The following RAPH1 variants were observed in gnomAD, a reference collection of about 807,000 sequenced individuals.
RAPH1 encodes ras-associated and pleckstrin homology domains-containing protein 1.
A neutral mutation model predicts 88.1 loss-of-function variants in RAPH1; 18 were observed. That is an observed-to-expected ratio of 0.20 (90% CI 0.14 to 0.30). RAPH1 has a LOEUF of 0.30. Among genes scored for constraint, RAPH1 ranks in the 10% least tolerant of loss-of-function variants. The pLI, the probability that RAPH1 is intolerant of heterozygous loss-of-function variation, is 1.00. For synonymous variants in RAPH1, 587 were observed against 559.0 expected (o/e 1.05, Z -0.71); for missense variants, 1,448 against 1,543.2 (o/e 0.94, Z 1.03).
intron 1 of RAPH1, among the ~76,000 whole-genome samples, chr2:203,505,318 C>T (rs113404898): frequency 3.4e-4 from 51 of 152,164 alleles, no homozygotes; most frequent in African/African-American, 1.2e-3. Context: ...TCTTACATGG[C>T]GGTGGCAAGA....
At chr2:203,529,431 G>A (rs577139663) in intron 1 of RAPH1, among the ~76,000 whole-genome samples, 3 of 152,106 alleles carry the variant, frequency 2.0e-5, no homozygotes, top group East Asian at 3.9e-4. Context: ...GCGCCATCTC[G>A]GCTCACCGCA....
chr2:203,493,901 G>A (rs1465940760), intron 2 of RAPH1, among the ~76,000 whole-genome samples: 2 of 149,150 alleles, frequency 1.3e-5, no homozygotes, highest in East Asian at 2.0e-4. Flanking sequence ...AACCCGGGAG[G>A]CGGTGGTTGC....
intron 2 of RAPH1, among the ~76,000 whole-genome samples, chr2:203,494,303 A>T (rs1349025730): frequency 6.6e-6 from 1 of 152,196 alleles, no homozygotes; most frequent in African/African-American, 2.4e-5. Context: ...TTATTTAATA[A>T]ACATAACCAT....
intron 12 of RAPH1, 23 bp downstream of exon 12, chr2:203,447,936 T>C (rs771586965): frequency 1.2e-6 from 2 of 1,613,212 alleles, no homozygotes; most frequent in East Asian, 4.5e-5. Flanking sequence ...CGCAAAATAG[T>C]GCTTTGAAGC....
At chr2:203,491,062 A>G in intron 3 of RAPH1, 152 bp downstream of exon 3, 1 of 505,186 alleles carries the variant, frequency 2.0e-6, no homozygotes, top group Non-Finnish European at 3.4e-6. Flanking sequence ...AAAAAAAAAG[A>G]AAAAAGAAAA....
Position 203,436,903 on chromosome 2 carries a change from T to C in RAPH1, c.*2534A>G, listed in dbSNP as rs1448007567. The stretch of plus-strand genomic sequence containing the variant: ...AAAACAGAAGTATAAAGTATCACTT[T>C]AGTGGTTTTTTAAATTCAGTTCATA... On this transcript the variant is annotated 3_prime_UTR_variant, in exon 14 of 14. Transcript: ENST00000319170. 1.3e-5 allele frequency: 2 copies of C among 152,236 alleles called. No individual in the cohort carries two copies. The highest frequency in any genetic ancestry group is 4.8e-5 in the African/African-American group (2 of 41,460). The allele number at this position is 152,236 out of a possible 1,614,324, so 9.4% of individuals were successfully genotyped here. A position where few individuals can be genotyped will look rare whatever the true frequency, so the allele number is the denominator to read the frequency against.
chr2:203,471,692 A>G (rs1411320932), intron 4 of RAPH1, among the ~76,000 whole-genome samples: 1 of 152,180 alleles, frequency 6.6e-6, no homozygotes, highest in Non-Finnish European at 1.5e-5. Flanking sequence ...AAGACAATAT[A>G]ATCTTTGCTC....
chr2:203,517,190 T>C (rs1317962932), intron 1 of RAPH1, among the ~76,000 whole-genome samples: 1 of 151,328 alleles, frequency 6.6e-6, no homozygotes, highest in African/African-American at 2.4e-5. Flanking sequence ...CTAACACTAA[T>C]CAAAAGAAAG....
At chr2:203,528,055 T>A (rs1355386944) in intron 1 of RAPH1, among the ~76,000 whole-genome samples, 1 of 152,166 alleles carries the variant, frequency 6.6e-6, no homozygotes, top group Admixed American at 6.5e-5. Flanking sequence ...TAAAAAATTG[T>A]GCAATTTAAA....
intron 8 of RAPH1, 82 bp from the exon 9 acceptor site, chr2:203,455,662 GAC>G (rs1453032223): frequency 5.2e-6 from 7 of 1,333,556 alleles, no homozygotes; most frequent in Non-Finnish European, 7.3e-6. Context: ...TGAAATGCAT[GAC>G]AGTTATTAAA....
Position 203,440,872 on chromosome 2 carries a change from A to C in RAPH1, c.2318T>G (p.Leu773Arg). Residue 773 changes from leucine (L) to arginine (R), a missense_variant, in exon 14 of 14, where the codon CTC becomes CGC. Physicochemically the swap from Leu to Arg is moderately radical, Grantham distance 102. Coordinates refer to ENST00000319170, the MANE Select transcript of RAPH1 (RefSeq NM_213589.3). Reference protein sequence around the residue: ...PPPPPPIPAPLPPQAPPKPLV... With the variant: ...PPPPPPIPAPRPPQAPPKPLV... The stretch of plus-strand genomic sequence containing the variant: ...GGGTTTTGGGGGAGCTTGGGGAGGG[A>C]GGGGTGCAGGGATAGGAGGAGGTGG... 3 of 269,790 alleles carry C rather than the reference A, an allele frequency of 1.1e-5. No individual in the cohort carries two copies. Among genetic ancestry groups the C allele is most frequent in the Non-Finnish European group, 1.6e-5 (3 of 183,554 alleles). The allele number at this position is 269,790 out of a possible 1,614,324, so 16.7% of individuals were successfully genotyped here. A position where few individuals can be genotyped will look rare whatever the true frequency, so the allele number is the denominator to read the frequency against.
Position 203,454,654 on chromosome 2 carries a change from A to G in RAPH1, c.1303-114T>C, listed in dbSNP as rs898137324. On this transcript the variant is annotated intron_variant, in intron 9 of 13. Transcript: ENST00000319170. ...AACTACTTTTGCTAATACTAAATAG[A>G]AATTATTGCTATTTACACGAGACAA... 7.6e-6 allele frequency: 5 copies of G among 658,698 alleles called. No homozygotes were observed. The African/African-American group carries it at 9.0e-5, about 12-fold the overall frequency. 40.8% of individuals were successfully genotyped at this position (658,698 alleles called of 1,614,324 possible).
intron 10 of RAPH1, among the ~76,000 whole-genome samples, chr2:203,451,760 C>T (rs951470349): frequency 2.6e-5 from 4 of 152,208 alleles, no homozygotes; most frequent in African/African-American, 9.6e-5. Context: ...CACTTCTTTC[C>T]TGGCAGAGCC....
intron 4 of RAPH1, 114 bp downstream of exon 4, chr2:203,489,470 T>A (rs757944361): frequency 3.8e-5 from 30 of 782,694 alleles, no homozygotes; most frequent in Non-Finnish European, 4.9e-5. Flanking sequence ...CTCAGAAGTA[T>A]CTTTGACAAA....
chr2:203,443,149 G>T (rs2098505814), intron 13 of RAPH1: 1 of 152,138 alleles, frequency 6.6e-6, no homozygotes, highest in Non-Finnish European at 1.5e-5. Flanking sequence ...TTCCCTGCGG[G>T]AGCCCAGTTA....
intron 4 of RAPH1, among the ~76,000 whole-genome samples, chr2:203,473,148 A>G (rs1220113751): frequency 6.6e-6 from 1 of 152,160 alleles, no homozygotes; most frequent in African/African-American, 2.4e-5. Context: ...TCCACTGGGC[A>G]TGGTGGCTTG....
At chr2:203,533,305 A>C (rs1220364686) in intron 1 of RAPH1, 1 of 152,224 alleles carries the variant, frequency 6.6e-6, no homozygotes, top group African/African-American at 2.4e-5. Context: ...AGGAGACAGC[A>C]ATCTAAATTA....
chr2:203,506,725 C>CATAT (rs1391427297), intron 1 of RAPH1, among the ~76,000 whole-genome samples: 2 of 125,296 alleles, frequency 1.6e-5, no homozygotes, highest in African/African-American at 3.8e-5. Context: ...GACTAAAATC[C>CATAT]ATATATAGAT....
intron 9 of RAPH1, 78 bp from the exon 10 acceptor site, chr2:203,454,618 G>T: frequency 9.5e-7 from 1 of 1,054,342 alleles, no homozygotes; most frequent in Non-Finnish European, 1.4e-6. Flanking sequence ...CATTTTCTAG[G>T]TGAGAATCAA....
Sources: allele counts gnomAD v4.1 joint callset (sites outside exome capture counted in the v4.1 genomes callset), GRCh38; gene constraint gnomAD v4.1.1; transcripts MANE v1.5; gene names NCBI Gene and HGNC (gene_info 2026-07-23, HGNC 2026-07-21).